Variants in TMTC1 observed in about 807,000 individuals in gnomAD.
TMTC1 encodes the protein transmembrane O-mannosyltransferase targeting cadherins 1.
Under a neutral mutation model 104.8 loss-of-function variants are expected in TMTC1, and 73 were observed. The ratio of observed to expected loss-of-function variants is 0.70; its 90% CI spans 0.58 to 0.85. The LOEUF (loss-of-function observed/expected upper bound fraction) is 0.85, where lower values mean the gene tolerates loss of function less well. TMTC1 is among the 40% of genes least tolerant of loss of function. The probability of loss-of-function intolerance (pLI) is 0.00; values close to 1 mark genes in which losing one functional copy is unlikely to be tolerated. For missense variants in TMTC1, 1,035 were observed against 1,096.1 expected (o/e 0.94, Z 0.79); for synonymous variants, 434 against 428.7 (o/e 1.01, Z -0.15).
chr12:29,699,431 T>C (rs893004257), intron 5 of TMTC1, among the ~76,000 whole-genome samples: 1 of 152,166 alleles, frequency 6.6e-6, no homozygotes, highest in South Asian at 2.1e-4. Context: ...CAACGTTATA[T>C]GACAGAAAAA....
At chr12:29,592,770 C>T (rs1481629634) in intron 7 of TMTC1, among the ~76,000 whole-genome samples, 1 of 152,158 alleles carries the variant, frequency 6.6e-6, no homozygotes, top group African/African-American at 2.4e-5. Context: ...GTTTGTAGTG[C>T]ACCATGCCTG....
intron 6 of TMTC1, among the ~76,000 whole-genome samples, chr12:29,623,736 C>G (rs994885167): frequency 1.3e-5 from 2 of 152,072 alleles, no homozygotes; most frequent in Non-Finnish European, 2.9e-5. Context: ...TCGCTTGAAC[C>G]CGGGAGACGG....
intron 7 of TMTC1, among the ~76,000 whole-genome samples, chr12:29,589,958 G>A (rs1484802821): frequency 6.6e-6 from 1 of 152,208 alleles, no homozygotes; most frequent in Non-Finnish European, 1.5e-5. Context: ...AGCTAGGAAT[G>A]GGCTAGATCT....
chr12:29,551,029 G>A (rs1207044437), intron 10 of TMTC1, among the ~76,000 whole-genome samples: 1 of 150,332 alleles, frequency 6.7e-6, no homozygotes, highest in Non-Finnish European at 1.5e-5. Flanking sequence ...ATGAAGGGGA[G>A]CAAGTGTAAT....
At chr12:29,768,113 C>T (rs1943514568) in intron 1 of TMTC1, 38 bp from the exon 2 acceptor site, 1 of 1,447,534 alleles carries the variant, frequency 6.9e-7, no homozygotes, top group Admixed American at 2.3e-5. Context: ...ACTGCATTAG[C>T]TACAAACTCA....
chr12:29,716,024 TA>T (rs1450395284), intron 5 of TMTC1, among the ~76,000 whole-genome samples: 4 of 146,090 alleles, frequency 2.7e-5, no homozygotes, highest in Non-Finnish European at 4.5e-5. Context: ...TTATTATTAT[TA>T]TTATTATTTT....
chr12:29,695,825 AT>A (rs1565775695), intron 5 of TMTC1, among the ~76,000 whole-genome samples: 117 of 99,016 alleles, frequency 1.2e-3, no homozygotes, highest in African/African-American at 4.0e-3. Flanking sequence ...ATATATATAT[AT>A]ATAACCTGTC....
At chr12:29,751,422 C>T (rs1943087209) in intron 5 of TMTC1, among the ~76,000 whole-genome samples, 1 of 152,124 alleles carries the variant, frequency 6.6e-6, no homozygotes, top group Admixed American at 6.5e-5. Context: ...GGGACCCACA[C>T]CCCATCACAG....
At chr12:29,562,978 C>T (rs959607372) in intron 9 of TMTC1, among the ~76,000 whole-genome samples, 3 of 152,194 alleles carry the variant, frequency 2.0e-5, no homozygotes, top group Admixed American at 6.5e-5. Context: ...TAGCTTTCAA[C>T]TTGCTCCCAT....
intron 5 of TMTC1, among the ~76,000 whole-genome samples, chr12:29,713,015 T>C (rs764117877): frequency 2.0e-5 from 3 of 152,082 alleles, no homozygotes; most frequent in Non-Finnish European, 4.4e-5. Context: ...GATCAGTAGA[T>C]GGAGTGAAAT....
At chr12:29,547,723 G>A (rs1944978373) in intron 10 of TMTC1, among the ~76,000 whole-genome samples, 1 of 152,176 alleles carries the variant, frequency 6.6e-6, no homozygotes. Context: ...GAATAAGGAG[G>A]AAAGTGGCAG....
chr12:29,508,502 C>T lies in TMTC1; in HGVS notation c.2509-1516G>A, dbSNP rs373547873. 1.3e-4 allele frequency among the ~76,000 whole-genome samples: 20 copies of T among 152,266 alleles called. 2 individuals carry two copies. The South Asian group carries it at 3.7e-3, about 28-fold the overall frequency. ...CAGTGAAGTGCCTTGGGATCTTATT[C>T]TCTGATCACCAGGCTTCTCTGTCCT... On this transcript the variant is annotated intron_variant, in intron 17 of 17. Transcript: ENST00000539277.
chr12:29,579,063 G>T (rs1420989510), intron 8 of TMTC1, among the ~76,000 whole-genome samples: 1 of 152,148 alleles, frequency 6.6e-6, no homozygotes, highest in Non-Finnish European at 1.5e-5. Flanking sequence ...GAGAGATTAA[G>T]ACCTTTTTGT....
chr12:29,585,233 G>A (rs1055055808), intron 7 of TMTC1, among the ~76,000 whole-genome samples: 32 of 152,144 alleles, frequency 2.1e-4, no homozygotes, highest in African/African-American at 7.7e-4. Flanking sequence ...CTGCATAAAT[G>A]TCTTCTTTTG....
chr12:29,570,884 C>CA (rs1340318084), intron 9 of TMTC1, among the ~76,000 whole-genome samples: 1 of 140,956 alleles, frequency 7.1e-6, no homozygotes, highest in South Asian at 2.3e-4. Context: ...CAGAAACACC[C>CA]CCCCCCCCCG....
At chr12:29,665,617 C>T (rs949865151) in intron 5 of TMTC1, among the ~76,000 whole-genome samples, 10 of 152,298 alleles carry the variant, frequency 6.6e-5, no homozygotes, top group Admixed American at 2.0e-4. Context: ...AGAATTATCA[C>T]GTCAATAAAT....
At position 29,501,255 on chromosome 12, in the gene TMTC1, C is replaced by T. The variant is rs950016168; in HGVS notation, c.*5591G>A. The T allele has an allele frequency of 1.3e-5, 2 of 152,130 alleles. No individual in the cohort carries two copies. Among genetic ancestry groups the T allele is most frequent in the Non-Finnish European group, 2.9e-5 (2 of 68,026 alleles). 9.4% of individuals were successfully genotyped at this position (152,130 alleles called of 1,614,324 possible). On this transcript the variant is annotated 3_prime_UTR_variant, in exon 18 of 18. Coordinates refer to ENST00000539277, the MANE Select transcript of TMTC1 (RefSeq NM_001193451.2). ...TGCAAAATAGGAGTAACTACCTCTGCCATGTTCAAGCACTTGGGCAATTCA... is the reference window on the plus strand; with the variant it reads ...TGCAAAATAGGAGTAACTACCTCTGTCATGTTCAAGCACTTGGGCAATTCA...
chr12:29,512,263 T>C (rs1210498581), intron 16 of TMTC1, 143 bp from the exon 17 acceptor site: 9 of 579,318 alleles, frequency 1.6e-5, no homozygotes, highest in South Asian at 1.0e-4. Flanking sequence ...ACCCTGCTTA[T>C]TTCTATTATT....
chr12:29,545,629 T>TCACACACACACACACACACACA (rs55958433), intron 10 of TMTC1, among the ~76,000 whole-genome samples: 59 of 73,576 alleles, frequency 8.0e-4, no homozygotes, highest in African/African-American at 3.3e-3. Context: ...CAAGACTCTG[T>TCACACACACACACACACACACA]CACACACACA....
Sources: allele counts gnomAD v4.1 joint callset (sites outside exome capture counted in the v4.1 genomes callset), GRCh38; gene constraint gnomAD v4.1.1; transcripts MANE v1.5; gene names NCBI Gene and HGNC (gene_info 2026-07-23, HGNC 2026-07-21).